BDKRB1: variants seen among roughly 807,000 people sequenced by gnomAD.
BDKRB1 encodes the protein bradykinin receptor B1, also known as B1 bradykinin receptor.
For missense variants in BDKRB1, 414 were observed against 441.4 expected, an observed-to-expected ratio of 0.94 and a Z score of 0.56; for synonymous variants, 192 against 189.1, an observed-to-expected ratio of 1.02 and a Z score of -0.13.
At chr14:96,257,616 C>T (rs192033862) in intron 1 of BDKRB1, among the ~76,000 whole-genome samples, 417 of 152,282 alleles carry the variant, frequency 2.7e-3, no homozygotes, top group Non-Finnish European at 4.9e-3. Context: ...CCAGCCCCTC[C>T]ACCACAGGTC....
intron 1 of BDKRB1, 73 bp from the exon 2 acceptor site, chr14:96,262,579 C>G (rs885842): frequency 2.5e-6 from 1 of 402,640 alleles, no homozygotes; most frequent in South Asian, 1.9e-5. Context: ...TTTCCTTTCT[C>G]TTTTTTCTTT....
intron 2 of BDKRB1, 23 bp from the exon 3 acceptor site, chr14:96,263,650 A>T: frequency 6.3e-7 from 1 of 1,575,666 alleles, no homozygotes; most frequent in Non-Finnish European, 8.6e-7. Flanking sequence ...TTCCTGTTTT[A>T]TTCTACCTTC....
chr14:96,256,963 T>C (rs1885630450), intron 1 of BDKRB1, among the ~76,000 whole-genome samples: 1 of 152,238 alleles, frequency 6.6e-6, no homozygotes, highest in Non-Finnish European at 1.5e-5. Context: ...CCAGTGCCCC[T>C]TCTGAGTTCT....
chr14:96,261,448 CAG>C (rs1437588872), intron 1 of BDKRB1, among the ~76,000 whole-genome samples: 3 of 152,220 alleles, frequency 2.0e-5, no homozygotes, highest in African/African-American at 7.2e-5. Context: ...AGTGACATGA[CAG>C]AATGTCAGAG....
At position 96,264,355 on chromosome 14, in the gene BDKRB1, A is replaced by T. The variant is rs146837856; in HGVS notation, c.673A>T (p.Ile225Phe). ...LAAIVFFNYH[I>F]LASLRTREEV... is the part of the protein sequence containing the mutation. ...TGCGATCGTCTTCTTCAACTACCAC[A>T]TCCTGGCCTCCCTGCGAACGCGGGA... The change falls in exon 3 of 3, where the codon ATC becomes TTC. Residue 225 changes from isoleucine (I) to phenylalanine (F), a missense_variant. Ile to Phe is a conservative substitution (Grantham distance 21). Coordinates refer to ENST00000216629, the MANE Select transcript of BDKRB1 (RefSeq NM_000710.4). The T allele has an allele frequency of 4.1e-4, 663 of 1,614,138 alleles. 11 individuals are homozygous for T. The East Asian group carries it at 0.012, about 28-fold the overall frequency.
At chr14:96,259,434 T>C (rs1284173674) in intron 1 of BDKRB1, 1 of 152,232 alleles carries the variant, frequency 6.6e-6, no homozygotes, top group Non-Finnish European at 1.5e-5. Context: ...GTCACGTACG[T>C]CTATAAATGT....
At chr14:96,257,999 G>GGGAATGGAGGGAAGGAGAGAAGGAT (rs1464108065) in intron 1 of BDKRB1, among the ~76,000 whole-genome samples, 1 of 148,752 alleles carries the variant, frequency 6.7e-6, no homozygotes, top group East Asian at 2.0e-4. Context: ...GAGAGAAGGA[G>GGGAATGGAGGGAAGGAGAGAAGGAT]GGAATGAAGG....
At chr14:96,262,042 C>T (rs1253903764) in intron 1 of BDKRB1, among the ~76,000 whole-genome samples, 2 of 152,230 alleles carry the variant, frequency 1.3e-5, no homozygotes, top group Non-Finnish European at 2.9e-5. Flanking sequence ...TGAACATGAG[C>T]TATGGGGTGC....
At chr14:96,259,120 T>G (rs897549228) in intron 1 of BDKRB1, among the ~76,000 whole-genome samples, 2 of 152,348 alleles carry the variant, frequency 1.3e-5, no homozygotes, top group Admixed American at 1.3e-4. Flanking sequence ...TTTTCAATAT[T>G]TATAATTCAC....
intron 1 of BDKRB1, among the ~76,000 whole-genome samples, chr14:96,260,982 C>T (rs1334308388): frequency 6.6e-6 from 1 of 152,056 alleles, no homozygotes; most frequent in Non-Finnish European, 1.5e-5. Flanking sequence ...TGTTCTTCCC[C>T]ACCCCCCACA....
intron 1 of BDKRB1, among the ~76,000 whole-genome samples, chr14:96,256,802 A>G (rs1445988991): frequency 6.6e-6 from 1 of 152,246 alleles, no homozygotes; most frequent in African/African-American, 2.4e-5. Context: ...CAATGCCTTT[A>G]ACATCACCAT....
At chr14:96,263,563 T>G in intron 2 of BDKRB1, 110 bp from the exon 3 acceptor site, 1 of 1,186,378 alleles carries the variant, frequency 8.4e-7, no homozygotes, top group Non-Finnish European at 1.2e-6. Flanking sequence ...GGAATGGGTG[T>G]GGCTCTGTGC....
intron 1 of BDKRB1, among the ~76,000 whole-genome samples, chr14:96,258,877 A>G (rs1048933111): frequency 6.6e-6 from 1 of 152,020 alleles, no homozygotes; most frequent in African/African-American, 2.4e-5. Flanking sequence ...GTACCTACTT[A>G]TAAGTTTTGA....
intron 1 of BDKRB1, among the ~76,000 whole-genome samples, chr14:96,257,200 C>G (rs1447943309): frequency 6.6e-6 from 1 of 152,234 alleles, no homozygotes; most frequent in African/African-American, 2.4e-5. Context: ...AGCCACCTCC[C>G]CGTCCTGGGG....
At chr14:96,261,205 G>C (rs1885741701) in intron 1 of BDKRB1, among the ~76,000 whole-genome samples, 1 of 152,032 alleles carries the variant, frequency 6.6e-6, no homozygotes. Flanking sequence ...ACTCTCCCCA[G>C]CTGTCACCCG....
chr14:96,263,111 C>T (rs1194285805), intron 2 of BDKRB1, among the ~76,000 whole-genome samples: 1 of 152,100 alleles, frequency 6.6e-6, no homozygotes, highest in Non-Finnish European at 1.5e-5. Context: ...GCTGCTCTGT[C>T]CTGCATATCT....
At chr14:96,256,813 G>C (rs1885627812) in intron 1 of BDKRB1, among the ~76,000 whole-genome samples, 1 of 152,210 alleles carries the variant, frequency 6.6e-6, no homozygotes, top group Non-Finnish European at 1.5e-5. Context: ...ACATCACCAT[G>C]CTGTTGAAAT....
intron 1 of BDKRB1, chr14:96,259,696 A>G (rs533767065): frequency 1.3e-5 from 2 of 152,368 alleles, no homozygotes; most frequent in Admixed American, 1.3e-4. Flanking sequence ...TGCCAGAATG[A>G]ATGTCCCAAA....
Position 96,263,937 on chromosome 14 carries a change from G to GT in BDKRB1, c.258dup (p.Val87CysfsTer16), listed in dbSNP as rs767492761. ...CCAACCTGGCAGCCTCTGATCTGGT[G>GT]TTTGTCTTGGGCTTGCCCTTCTGGG... On this transcript the variant is annotated frameshift_variant, in exon 3 of 3. Transcript: ENST00000216629. LOFTEE classifies it low-confidence loss of function (END_TRUNC). The GT allele has an allele frequency of 1.2e-6, 2 of 1,614,260 alleles. No individual in the cohort carries two copies. Among genetic ancestry groups the GT allele is most frequent in the Non-Finnish European group, 1.7e-6 (2 of 1,180,050 alleles).
Sources: allele counts gnomAD v4.1 joint callset (sites outside exome capture counted in the v4.1 genomes callset), GRCh38; gene constraint gnomAD v4.1.1; transcripts MANE v1.5; gene names NCBI Gene and HGNC (gene_info 2026-07-23, HGNC 2026-07-21).